Variants in SLC22A14 observed in about 807,000 individuals in gnomAD.
SLC22A14 encodes the protein organic cation transporter-like 4.
In SLC22A14, 50 loss-of-function variants were observed where a neutral mutation model predicts 53.9. The ratio of observed to expected loss-of-function variants is 0.93; its 90% CI spans 0.74 to 1.17. SLC22A14 has a LOEUF of 1.17. SLC22A14 is among the 50% of genes most tolerant of loss of function. The probability of loss-of-function intolerance (pLI) is 0.00; values close to 1 mark genes in which losing one functional copy is unlikely to be tolerated. For missense variants in SLC22A14, 671 were observed against 734.7 expected, an observed-to-expected ratio of 0.91 and a Z score of 1.00; for synonymous variants, 312 against 303.0, an observed-to-expected ratio of 1.03 and a Z score of -0.31.
intron 1 of SLC22A14, among the ~76,000 whole-genome samples, chr3:38,292,423 A>C (rs1703932785): frequency 6.6e-6 from 1 of 152,188 alleles, no homozygotes; most frequent in Non-Finnish European, 1.5e-5. Flanking sequence ...TATAAAGGTT[A>C]GGTATAGCTG....
chr3:38,298,142 C>A (rs549073396), intron 1 of SLC22A14, among the ~76,000 whole-genome samples: 46 of 151,950 alleles, frequency 3.0e-4, no homozygotes, highest in Non-Finnish European at 6.8e-4. Context: ...TAAAATTGTC[C>A]CAGATTTGTC....
chr3:38,290,757 G>T (rs1396411506), intron 1 of SLC22A14, among the ~76,000 whole-genome samples: 2 of 152,208 alleles, frequency 1.3e-5, no homozygotes, highest in Admixed American at 1.3e-4. Context: ...GTTGAGTACT[G>T]GGGCTTGGTT....
intron 1 of SLC22A14, among the ~76,000 whole-genome samples, chr3:38,302,088 G>T (rs749780095): frequency 6.6e-6 from 1 of 150,670 alleles, no homozygotes; most frequent in Non-Finnish European, 1.5e-5. Context: ...ACAAAAATTA[G>T]CCAGGCGTGG....
rs1368676299 is a variant in SLC22A14, at chr3:38,306,526, G to A, written c.500G>A (p.Arg167Gln). ...DGWIYPDAKK[R>Q]SLINEFDLVC... is the part of the protein sequence containing the mutation. ...TGGATCTATCCTGACGCTAAGAAGC[G>A]ATCGCTGATCAATGAGGTATGTCTT... Residue 167 changes from arginine (R) to glutamine (Q), a missense_variant, in exon 2 of 11, where the codon CGA becomes CAA. Coordinates refer to ENST00000448498, the MANE Select transcript of SLC22A14 (RefSeq NM_001320033.2). The A allele has an allele frequency of 2.5e-6, 4 of 1,612,856 alleles. No homozygotes were observed. Among genetic ancestry groups the A allele is most frequent in the African/African-American group, 1.3e-5 (1 of 74,924 alleles).
At chr3:38,304,078 C>T (rs970046809) in intron 1 of SLC22A14, among the ~76,000 whole-genome samples, 3 of 151,616 alleles carry the variant, frequency 2.0e-5, no homozygotes, top group African/African-American at 4.8e-5. Flanking sequence ...GTAGTCCCAC[C>T]TACTTGGGAG....
At chr3:38,311,737 A>G (rs1704473280) in intron 5 of SLC22A14, among the ~76,000 whole-genome samples, 1 of 152,152 alleles carries the variant, frequency 6.6e-6, no homozygotes, top group Non-Finnish European at 1.5e-5. Flanking sequence ...CCATTTCTCC[A>G]GTTTCTAATA....
intron 1 of SLC22A14, among the ~76,000 whole-genome samples, chr3:38,292,448 A>G (rs984157142): frequency 1.3e-5 from 2 of 152,290 alleles, no homozygotes; most frequent in African/African-American, 4.8e-5. Flanking sequence ...TAGAGGGACA[A>G]CAGCCTCATT....
At chr3:38,300,101 T>G (rs1054166377) in intron 1 of SLC22A14, among the ~76,000 whole-genome samples, 1 of 152,228 alleles carries the variant, frequency 6.6e-6, no homozygotes, top group Non-Finnish European at 1.5e-5. Flanking sequence ...TCTGTAAGAC[T>G]GCTCTCAGGC....
At chr3:38,298,424 A>ATCTG (rs1230112345) in intron 1 of SLC22A14, among the ~76,000 whole-genome samples, 1 of 9,470 alleles carries the variant, frequency 1.1e-4, no homozygotes, top group African/African-American at 4.2e-4. Flanking sequence ...TTGCACACAC[A>ATCTG]TCTATCTATC....
chr3:38,313,685 T>TGTGTGTGTGTGTGTGC, intron 7 of SLC22A14, 42 bp from the exon 8 acceptor site: 38 of 901,744 alleles, frequency 4.2e-5, no homozygotes, highest in Non-Finnish European at 5.7e-5. Context: ...TCCGTGTGTG[T>TGTGTGTGTGTGTGTGC]GCGCGCGTGT....
intron 2 of SLC22A14, 117 bp downstream of exon 2, chr3:38,306,659 T>A (rs1704315075): frequency 9.9e-7 from 1 of 1,012,912 alleles, no homozygotes; most frequent in Non-Finnish European, 1.5e-6. Flanking sequence ...TGGCCTGAGG[T>A]CAACCTGCAG....
intron 1 of SLC22A14, among the ~76,000 whole-genome samples, chr3:38,290,748 T>C (rs1703896301): frequency 6.6e-6 from 1 of 152,244 alleles, no homozygotes; most frequent in South Asian, 2.1e-4. Context: ...ATTTCTCCTG[T>C]TGAGTACTGG....
chr3:38,286,732 T>TTG (rs367653934), intron 1 of SLC22A14, among the ~76,000 whole-genome samples: 3,050 of 150,182 alleles, frequency 0.02, 94 homozygotes, highest in African/African-American at 0.068. Flanking sequence ...TGGGTTTTTT[T>TTG]TTTGTTTGTT....
intron 10 of SLC22A14, among the ~76,000 whole-genome samples, chr3:38,316,814 CAT>C (rs1384136144): frequency 2.0e-5 from 3 of 152,222 alleles, no homozygotes; most frequent in Non-Finnish European, 4.4e-5. Flanking sequence ...TGCCTTTGGG[CAT>C]ACCCTCCAGG....
At position 38,318,493 on chromosome 3, in the gene SLC22A14, C is replaced by G; in HGVS notation, c.*244C>G. Reference sequence around the variant, plus strand: ...GGGTCAGTCCTTCTCCCAGGCCAGCCCTTGACATTAAAAAAAATGCCCCCT... The same window carrying G: ...GGGTCAGTCCTTCTCCCAGGCCAGCGCTTGACATTAAAAAAAATGCCCCCT... On this transcript the variant is annotated 3_prime_UTR_variant, in exon 11 of 11. Coordinates refer to ENST00000448498, the MANE Select transcript of SLC22A14 (RefSeq NM_001320033.2). The G allele has an allele frequency of 2.6e-6, 1 of 387,830 alleles. No individual in the cohort carries two copies. Among genetic ancestry groups the G allele is most frequent in the Non-Finnish European group, 4.6e-6 (1 of 216,710 alleles). The allele number at this position is 387,830 out of a possible 1,614,324, so 24.0% of individuals were successfully genotyped here. A position where few individuals can be genotyped will look rare whatever the true frequency, so the allele number is the denominator to read the frequency against.
chr3:38,316,433 T>G lies in SLC22A14; in HGVS notation c.1642T>G (p.Leu548Val), dbSNP rs750689631. The change falls in exon 10 of 11, where the codon TTA (leucine) becomes GTA (valine). Residue 548 changes from leucine to valine, a missense_variant. Leu to Val is a conservative substitution (Grantham distance 32). Coordinates refer to ENST00000448498, the MANE Select transcript of SLC22A14 (RefSeq NM_001320033.2). ...CCTGCCCATCTTTCTCTGCTGCGTC[T>G]TAGCCATCGTGGCCTTTTCCCTCTC... ...SLLPIFLCCV[L>V]AIVAFSLSSL... 7.7e-5 allele frequency: 124 copies of G among 1,614,014 alleles called. No homozygotes were observed. The highest frequency in any genetic ancestry group is 9.8e-5 in the Non-Finnish European group (116 of 1,179,992).
chr3:38,307,511 G>A lies in SLC22A14; in HGVS notation c.621-55G>A. 2 of 1,602,824 alleles carry A rather than the reference G, an allele frequency of 1.2e-6. No homozygotes were observed. The highest frequency in any genetic ancestry group is 2.2e-5 in the East Asian group (1 of 44,766). On this transcript the variant is annotated intron_variant, in intron 3 of 10. Coordinates refer to ENST00000448498, the MANE Select transcript of SLC22A14 (RefSeq NM_001320033.2). The surrounding 1 kb of genome is among the most constrained non-coding windows in gnomAD (Gnocchi z 4.4). The stretch of plus-strand genomic sequence containing the variant: ...GGGCCTGGCCCAGGTGTATCCGGCT[G>A]GGGCCAGCCCGGGAGATCCCGGCAC...
intron 1 of SLC22A14, among the ~76,000 whole-genome samples, chr3:38,292,537 A>G (rs1703936406): frequency 6.6e-6 from 1 of 152,096 alleles, no homozygotes. Flanking sequence ...TGCAGGGGCT[A>G]CTGCATGGTT....
chr3:38,304,685 C>T lies in SLC22A14; in HGVS notation c.1-1342C>T, dbSNP rs76310008. ...GAGACTGCTGAGGCTCTTCATTAGT[C>T]AGTGGCCTGCCTTCTCTCCAGCTGA... On this transcript the variant is annotated intron_variant, in intron 1 of 10. Coordinates refer to ENST00000448498, the MANE Select transcript of SLC22A14 (RefSeq NM_001320033.2). Among the ~76,000 whole-genome samples, 56 of 152,298 alleles carry T rather than the reference C, an allele frequency of 3.7e-4. No homozygotes were observed. The East Asian group carries it at 9.5e-3, about 26-fold the overall frequency.
Sources: gnomAD v4.1 joint callset for allele counts (sites outside exome capture counted in the v4.1 genomes callset) on GRCh38, gnomAD v4.1.1 for gene constraint, Gnocchi (gnomAD v3.1) non-coding constraint, MANE v1.5 for transcripts, NCBI Gene and HGNC (gene_info 2026-07-23, HGNC 2026-07-21) for gene names.